The following LPIN1 variants were observed in gnomAD, a reference collection of about 807,000 sequenced individuals.
The protein encoded by LPIN1 is phosphatidate phosphatase LPIN1.
Under a neutral mutation model 107.5 loss-of-function variants are expected in LPIN1, and 71 were observed. That is an observed-to-expected ratio of 0.66 (90% CI 0.55 to 0.80). LPIN1 has a LOEUF of 0.80. Among genes scored for constraint, LPIN1 ranks in the 30% least tolerant of loss-of-function variants. The pLI is 0.00. For synonymous variants in LPIN1, 445 were observed against 452.6 expected, an observed-to-expected ratio of 0.98 and a Z score of 0.21; for missense variants, 1,043 against 1,160.6, an observed-to-expected ratio of 0.90 and a Z score of 1.47.
chr2:11,679,560 C>T (rs1156377790), intron 1 of LPIN1, among the ~76,000 whole-genome samples: 2 of 152,204 alleles, frequency 1.3e-5, no homozygotes, highest in South Asian at 2.1e-4. Context: ...GGATGTCAAA[C>T]CCGCCACGTG....
Position 11,824,712 on chromosome 2 carries a change from A to T in LPIN1, c.2702A>T (p.Asp901Val), listed in dbSNP as rs773234393. The T allele has an allele frequency of 2.5e-6, 4 of 1,614,144 alleles. No homozygotes were observed. The highest frequency in any genetic ancestry group is 3.4e-6 in the Non-Finnish European group (4 of 1,180,030). Residue 901 changes from aspartate (D) to valine (V), a missense_variant, in exon 21 of 21, where the codon GAT (aspartate) becomes GTT (valine). Transcript: ENST00000674199. ...RSHSSDFPCS[D>V]TFSNFTFWRE... The stretch of plus-strand genomic sequence containing the variant: ...CATTCTTCAGACTTTCCCTGTTCGG[A>T]TACCTTCAGTAACTTCACCTTTTGG...
At chr2:11,782,616 C>T (rs895642316) in intron 8 of LPIN1, 109 bp downstream of exon 8, 27 of 1,214,494 alleles carry the variant, frequency 2.2e-5, no homozygotes, top group African/African-American at 9.0e-5. Context: ...GAAACTGAAC[C>T]GTGACAATGA....
chr2:11,691,401 C>T (rs1380236036), intron 1 of LPIN1, among the ~76,000 whole-genome samples: 2 of 152,170 alleles, frequency 1.3e-5, no homozygotes, highest in Admixed American at 6.5e-5. Flanking sequence ...AGCCTCTTTT[C>T]ACCAGCATAG....
At chr2:11,797,916 T>C (rs1373490845) in intron 14 of LPIN1, among the ~76,000 whole-genome samples, 1 of 152,176 alleles carries the variant, frequency 6.6e-6, no homozygotes, top group African/African-American at 2.4e-5. Context: ...CCCATCCAAA[T>C]GTCACTTTGA....
intron 1 of LPIN1, among the ~76,000 whole-genome samples, chr2:11,688,747 T>G (rs1156280059): frequency 6.6e-6 from 1 of 152,228 alleles, no homozygotes; most frequent in Admixed American, 6.5e-5. Flanking sequence ...AATTCTTGAG[T>G]GAATTCTCTT....
At chr2:11,808,529 A>T (rs1249213834) in intron 17 of LPIN1, among the ~76,000 whole-genome samples, 1 of 152,158 alleles carries the variant, frequency 6.6e-6, no homozygotes, top group Admixed American at 6.5e-5. Flanking sequence ...TGCTTCCCTT[A>T]AATTTGGGTA....
At chr2:11,685,173 G>A (rs1027610194) in intron 1 of LPIN1, among the ~76,000 whole-genome samples, 5 of 152,170 alleles carry the variant, frequency 3.3e-5, no homozygotes, top group Non-Finnish European at 7.4e-5. Flanking sequence ...AGGAGTGAGC[G>A]GAGGCCTCAG....
At chr2:11,764,103 T>TATATACACACAC (rs1553422099) in intron 1 of LPIN1, 56 of 121,828 alleles carry the variant, frequency 4.6e-4, no homozygotes, top group African/African-American at 1.8e-3. Context: ...TATATATATA[T>TATATACACACAC]ACACACACAC....
intron 19 of LPIN1, among the ~76,000 whole-genome samples, chr2:11,820,198 A>T (rs1430740466): frequency 1.3e-5 from 2 of 152,200 alleles, no homozygotes; most frequent in Non-Finnish European, 2.9e-5. Context: ...CTTTTCTTCA[A>T]CTCAGTCCTT....
At chr2:11,691,602 T>C (rs1185491232) in intron 1 of LPIN1, among the ~76,000 whole-genome samples, 1 of 152,210 alleles carries the variant, frequency 6.6e-6, no homozygotes, top group African/African-American at 2.4e-5. Flanking sequence ...TGACTGCTGT[T>C]GGAGCCCGGC....
chr2:11,801,815 C>T (rs1677795296), intron 14 of LPIN1, among the ~76,000 whole-genome samples: 1 of 151,916 alleles, frequency 6.6e-6, no homozygotes, highest in South Asian at 2.1e-4. Flanking sequence ...TGCTAATTAC[C>T]CTGATTTGAT....
rs562105797 is a variant in LPIN1, at chr2:11,738,965, C to T, written c.-71-2384C>T. Among the ~76,000 whole-genome samples the T allele has an allele frequency of 2.0e-5, 3 of 152,348 alleles. No homozygotes were observed. In the East Asian group the frequency reaches 5.8e-4, roughly 29 times the overall value. Reference sequence around the variant, plus strand: ...CTGTGAGAGCAGCTTAGAAATAGATCCCTAAATTATCTGATAGTCTTCCTT... The same window carrying T: ...CTGTGAGAGCAGCTTAGAAATAGATTCCTAAATTATCTGATAGTCTTCCTT... On this transcript the variant is annotated intron_variant, in intron 1 of 21. Coordinates refer to the LPIN1 transcript ENST00000396097.
At chr2:11,715,214 C>G (rs1168491609) in intron 2 of LPIN1, among the ~76,000 whole-genome samples, 1 of 152,156 alleles carries the variant, frequency 6.6e-6, no homozygotes, top group Non-Finnish European at 1.5e-5. Flanking sequence ...TGGTTCAGTC[C>G]CATTCTCCAG....
At chr2:11,741,591 C>G (rs1285610406), upstream of LPIN1, among the ~76,000 whole-genome samples, 1 of 151,740 alleles carries the variant, frequency 6.6e-6, no homozygotes, top group African/African-American at 2.4e-5. Flanking sequence ...ATGGCGAAAC[C>G]CTGTCTCTAT....
intron 13 of LPIN1, among the ~76,000 whole-genome samples, 157 bp from the exon 14 acceptor site, chr2:11,795,250 AC>A (rs1298009516): frequency 2.6e-5 from 4 of 152,216 alleles, no homozygotes; most frequent in Non-Finnish European, 5.9e-5. Flanking sequence ...CGAAACAAAC[AC>A]AGCCAGAGCC....
chr2:11,819,887 G>A (rs1025314871), intron 19 of LPIN1, among the ~76,000 whole-genome samples: 6 of 152,146 alleles, frequency 3.9e-5, no homozygotes, highest in East Asian at 1.9e-4. Context: ...ACATTTAATC[G>A]GATTAGTTTC....
chr2:11,787,392 CTTTTTCTT>C (rs1277872667), intron 11 of LPIN1, among the ~76,000 whole-genome samples: 5 of 113,688 alleles, frequency 4.4e-5, no homozygotes, highest in Non-Finnish European at 6.9e-5. Flanking sequence ...CTTTTCTTTT[CTTTTTCTT>C]TTTTTTTTTT....
chr2:11,699,166 A>G lies in LPIN1; in HGVS notation c.82-14590A>G, dbSNP rs768070241. ...ATGGCCCAAGACAATTCTTCTTCCAATGTAGCCCAGGGAAACCAAAAGATG... is the reference window on the plus strand; with the variant it reads ...ATGGCCCAAGACAATTCTTCTTCCAGTGTAGCCCAGGGAAACCAAAAGATG... On this transcript the variant is annotated intron_variant, in intron 1 of 21. Transcript: ENST00000449576. Among the ~76,000 whole-genome samples, 34 of 152,344 alleles carry G rather than the reference A, an allele frequency of 2.2e-4. No individual in the cohort carries two copies. In the South Asian group the frequency reaches 3.7e-3, roughly 17 times the overall value.
intron 1 of LPIN1, among the ~76,000 whole-genome samples, chr2:11,678,941 A>C (rs943690585): frequency 5.3e-5 from 8 of 152,238 alleles, no homozygotes; most frequent in Admixed American, 2.0e-4. Context: ...CAGATTAAGT[A>C]GACCATTTTT....
Sources: allele counts gnomAD v4.1 joint callset (sites outside exome capture counted in the v4.1 genomes callset), GRCh38; gene constraint gnomAD v4.1.1; transcripts MANE v1.5; gene names NCBI Gene and HGNC (gene_info 2026-07-23, HGNC 2026-07-21).